The following EXOC6B variants were observed in gnomAD, a reference collection of about 807,000 sequenced individuals.
EXOC6B encodes the protein SEC15 homolog B.
In EXOC6B, 54 loss-of-function variants were observed where a neutral mutation model predicts 113.5. The observed-to-expected ratio is 0.48, with a 90% CI of 0.38 to 0.60. The LOEUF (loss-of-function observed/expected upper bound fraction) is 0.60, where lower values mean the gene tolerates loss of function less well. Ranked by LOEUF, EXOC6B falls within the 20% of genes least tolerant of loss-of-function variation. The pLI, the probability that EXOC6B is intolerant of heterozygous loss-of-function variation, is 0.00. For synonymous variants in EXOC6B, 357 were observed against 339.0 expected, an observed-to-expected ratio of 1.05 and a Z score of -0.58; for missense variants, 797 against 977.5, an observed-to-expected ratio of 0.82 and a Z score of 2.46.
At chr2:72,330,265 C>A (rs1334975135) in intron 20 of EXOC6B, among the ~76,000 whole-genome samples, 1 of 151,932 alleles carries the variant, frequency 6.6e-6, no homozygotes, top group African/African-American at 2.4e-5. Flanking sequence ...GAAGCACTTA[C>A]AATGAATGTG....
chr2:72,611,349 C>T (rs2104089911), intron 6 of EXOC6B, among the ~76,000 whole-genome samples: 1 of 150,144 alleles, frequency 6.7e-6, no homozygotes. Flanking sequence ...AAGAGCAAGA[C>T]TGTCTCAAAA....
chr2:72,513,087 G>C (rs777311063), intron 11 of EXOC6B, 45 bp downstream of exon 11: 1 of 1,603,896 alleles, frequency 6.2e-7, no homozygotes, highest in Non-Finnish European at 8.5e-7. Context: ...TGAATATATA[G>C]ATAATCAGCT....
chr2:72,295,211 T>G (rs987781620), intron 20 of EXOC6B, among the ~76,000 whole-genome samples: 2 of 119,562 alleles, frequency 1.7e-5, no homozygotes, highest in African/African-American at 6.8e-5. Flanking sequence ...AGCCTGGCAA[T>G]AGAGCAAGAC....
chr2:72,197,045 T>A (rs1321196333), intron 20 of EXOC6B, among the ~76,000 whole-genome samples: 4 of 152,150 alleles, frequency 2.6e-5, no homozygotes, highest in Non-Finnish European at 4.4e-5. Flanking sequence ...GAAGGGAATT[T>A]CAAGCAAAGA....
intron 1 of EXOC6B, among the ~76,000 whole-genome samples, chr2:72,783,925 A>G (rs567489224): frequency 6.6e-6 from 1 of 152,230 alleles, no homozygotes; most frequent in Admixed American, 6.5e-5. Flanking sequence ...GCTTAGACCA[A>G]TGTTCTGGAG....
intron 18 of EXOC6B, among the ~76,000 whole-genome samples, chr2:72,457,373 A>T (rs902149138): frequency 1.3e-5 from 2 of 152,098 alleles, no homozygotes; most frequent in African/African-American, 2.4e-5. Flanking sequence ...TCTCTTAAGG[A>T]TGACCTAAGA....
rs140281712 is a variant in EXOC6B, at chr2:72,470,471, T to C, written c.1801-5132A>G. On this transcript the variant is annotated intron_variant, in intron 17 of 21. Coordinates refer to ENST00000272427, the MANE Select transcript of EXOC6B (RefSeq NM_015189.3). ...TGAATTTGTTTTTCAGCTCTAAGAG[T>C]TTTTTCTTTTTAATATTTTAAGTTT... Among the ~76,000 whole-genome samples, 860 of 152,088 alleles carry C rather than the reference T, an allele frequency of 5.7e-3. 8 individuals carry two copies. The highest frequency in any genetic ancestry group is 0.019 in the African/African-American group (794 of 41,496).
In EXOC6B at chr2:72,335,004, G is replaced by A. The variant is rs1558567573; in HGVS notation, c.2139C>T (p.Gly713=). ...TGTCCTCCTGGAACCCAGGCACCGG[G>A]CCGGATCTGGCAAACTCTGTGGGAA... ...VRECEQFARS[G]PVPGFQEDTL... The change falls in exon 20 of 22, where the codon GGC becomes GGT. Residue 713 remains glycine, a synonymous_variant. Coordinates refer to ENST00000272427, the MANE Select transcript of EXOC6B (RefSeq NM_015189.3). The A allele has an allele frequency of 1.2e-6, 2 of 1,613,318 alleles. No homozygotes were observed. The highest frequency in any genetic ancestry group is 1.7e-6 in the Non-Finnish European group (2 of 1,179,460).
chr2:72,631,461 T>TAGAG (rs372313608), intron 6 of EXOC6B, among the ~76,000 whole-genome samples: 5 of 9,744 alleles, frequency 5.1e-4, no homozygotes, highest in Admixed American at 1.7e-3. Context: ...TATATATATA[T>TAGAG]AGAGAGAGAG....
rs562854573 is a variant in EXOC6B, at chr2:72,543,554, G to A, written c.915+15899C>T. Among the ~76,000 whole-genome samples, 12 of 152,106 alleles carry A rather than the reference G, an allele frequency of 7.9e-5. No homozygotes were observed. In the South Asian group the frequency reaches 8.3e-4, roughly 11 times the overall value. On this transcript the variant is annotated intron_variant, in intron 8 of 21. Transcript: ENST00000272427. ...AACACACACTCTCTCTTTTTCCCCC[G>A]CCTTGTTTTATTCAAGGCTAAATGA...
intron 18 of EXOC6B, among the ~76,000 whole-genome samples, chr2:72,421,688 G>A (rs915721589): frequency 7.9e-5 from 12 of 152,224 alleles, no homozygotes; most frequent in East Asian, 1.9e-4. Flanking sequence ...GCCCTCACTC[G>A]CTCTCGGCGC....
At chr2:72,399,747 T>G (rs555430010) in intron 18 of EXOC6B, among the ~76,000 whole-genome samples, 1 of 152,146 alleles carries the variant, frequency 6.6e-6, no homozygotes, top group African/African-American at 2.4e-5. Context: ...GGTAAAAGAT[T>G]GCTACAAGGA....
At chr2:72,625,030 C>T (rs926279367) in intron 6 of EXOC6B, among the ~76,000 whole-genome samples, 3 of 129,792 alleles carry the variant, frequency 2.3e-5, no homozygotes, top group African/African-American at 3.0e-5. Flanking sequence ...CTTTCCAAAC[C>T]TTTATTTATG....
rs184501847 is a variant in EXOC6B, at chr2:72,178,491, C to G, written c.*844G>C. 6.8e-6 allele frequency: 1 copy of G among 147,406 alleles called. No individual in the cohort carries two copies. Among genetic ancestry groups the G allele is most frequent in the Admixed American group, 6.7e-5 (1 of 14,824 alleles). 9.1% of individuals were successfully genotyped at this position (147,406 alleles called of 1,614,324 possible). Reference sequence around the variant, plus strand: ...TATGGAAGTAACTGTTGATTTATGTCCTGAACCAAGTGCTCTGACTGTAAG... The same window carrying G: ...TATGGAAGTAACTGTTGATTTATGTGCTGAACCAAGTGCTCTGACTGTAAG... On this transcript the variant is annotated 3_prime_UTR_variant, in exon 22 of 22. Transcript: ENST00000272427.
chr2:72,436,725 C>G (rs1252274914), intron 18 of EXOC6B, among the ~76,000 whole-genome samples: 2 of 152,028 alleles, frequency 1.3e-5, no homozygotes, highest in African/African-American at 4.8e-5. Flanking sequence ...TCACAAAGTT[C>G]TCGTGCTGTG....
chr2:72,569,937 T>G (rs889683169), intron 7 of EXOC6B, among the ~76,000 whole-genome samples: 6 of 152,164 alleles, frequency 3.9e-5, no homozygotes, highest in Non-Finnish European at 8.8e-5. Flanking sequence ...AGCTTGTACA[T>G]TCTAAAATAA....
intron 1 of EXOC6B, among the ~76,000 whole-genome samples, chr2:72,813,757 T>A (rs553571667): frequency 6.6e-6 from 1 of 152,338 alleles, no homozygotes; most frequent in South Asian, 2.1e-4. Flanking sequence ...ACATTTCATA[T>A]CAATATCTTT....
At chr2:72,206,360 C>T (rs1282087661) in intron 20 of EXOC6B, among the ~76,000 whole-genome samples, 1 of 152,160 alleles carries the variant, frequency 6.6e-6, no homozygotes, top group African/African-American at 2.4e-5. Context: ...AAAGTGTCCT[C>T]CTCCTTTTCC....
intron 6 of EXOC6B, among the ~76,000 whole-genome samples, chr2:72,625,243 G>A (rs1392710643): frequency 1.3e-5 from 2 of 150,130 alleles, no homozygotes; most frequent in East Asian, 3.9e-4. Flanking sequence ...ATATATATAT[G>A]AATATATATG....
Sources: gnomAD v4.1 joint callset for allele counts (sites outside exome capture counted in the v4.1 genomes callset) on GRCh38, gnomAD v4.1.1 for gene constraint, MANE v1.5 for transcripts, NCBI Gene and HGNC (gene_info 2026-07-23, HGNC 2026-07-21) for gene names.